Variants in DSCAM observed in about 807,000 individuals in gnomAD.
The protein encoded by DSCAM is DS cell adhesion molecule.
In DSCAM, 47 loss-of-function variants were observed where a neutral mutation model predicts 217.7. The observed-to-expected ratio is 0.22, with a 90% CI of 0.17 to 0.28. The LOEUF (loss-of-function observed/expected upper bound fraction) is 0.28. DSCAM is among the 10% of genes least tolerant of loss of function. The probability of loss-of-function intolerance (pLI) is 1.00; values close to 1 mark genes in which losing one functional copy is unlikely to be tolerated. For synonymous variants in DSCAM, 1,056 were observed against 1,015.3 expected (o/e 1.04, Z -0.76); for missense variants, 2,080 against 2,618.3 (o/e 0.79, Z 4.49).
chr21:40,665,894 G>A (rs1010795636), intron 3 of DSCAM, among the ~76,000 whole-genome samples: 4 of 152,192 alleles, frequency 2.6e-5, no homozygotes, highest in South Asian at 2.1e-4. Flanking sequence ...GGTTAGGCAC[G>A]CTGCCATAGC....
At chr21:40,414,418 A>G (rs1335848899) in intron 3 of DSCAM, among the ~76,000 whole-genome samples, 1 of 152,216 alleles carries the variant, frequency 6.6e-6, no homozygotes, top group Non-Finnish European at 1.5e-5. Flanking sequence ...GTAAAGTAAA[A>G]CCACAATGAG....
chr21:40,814,854 C>A (rs544897276), intron 1 of DSCAM, among the ~76,000 whole-genome samples: 52 of 152,016 alleles, frequency 3.4e-4, no homozygotes, highest in African/African-American at 1.2e-3. Flanking sequence ...GATTACCTCA[C>A]GGTAAAGGAA....
At chr21:40,420,461 A>G (rs2837620) in intron 3 of DSCAM, among the ~76,000 whole-genome samples, 101,680 of 151,920 alleles carry the variant, frequency 0.67, 34,123 homozygotes, top group Middle Eastern at 0.76. Context: ...ATCCTGAGGA[A>G]AACTGAGGGA....
At chr21:40,039,613 A>G (rs1282841771) in intron 32 of DSCAM, among the ~76,000 whole-genome samples, 1 of 152,202 alleles carries the variant, frequency 6.6e-6, no homozygotes, top group Non-Finnish European at 1.5e-5. Flanking sequence ...TGAGTATTCA[A>G]TACTATTAAT....
chr21:40,184,505 C>A (rs528426557), intron 14 of DSCAM, among the ~76,000 whole-genome samples: 2 of 152,234 alleles, frequency 1.3e-5, no homozygotes, highest in African/African-American at 4.8e-5. Context: ...ATCTTAGCCA[C>A]ACCACTGGCC....
At chr21:40,461,190 A>G (rs1205649154) in intron 3 of DSCAM, among the ~76,000 whole-genome samples, 1 of 152,230 alleles carries the variant, frequency 6.6e-6, no homozygotes, top group Non-Finnish European at 1.5e-5. Flanking sequence ...CAAATAAATT[A>G]TATATTTGCA....
chr21:40,535,926 T>A (rs1009932097), intron 3 of DSCAM, among the ~76,000 whole-genome samples: 1 of 152,200 alleles, frequency 6.6e-6, no homozygotes, highest in Non-Finnish European at 1.5e-5. Context: ...AAAAAACACC[T>A]ACTTGGTTGA....
At position 40,215,420 on chromosome 21, in the gene DSCAM, T is replaced by TA. The variant is rs200624266; in HGVS notation, c.2357-26183dup. Among the ~76,000 whole-genome samples, 785 of 144,562 alleles carry TA rather than the reference T, an allele frequency of 5.4e-3. 8 individuals are homozygous for TA. The highest frequency in any genetic ancestry group is 8.4e-3 in the Non-Finnish European group (552 of 65,652). 94.8% of individuals were successfully genotyped at this position (144,562 alleles called of 152,430 possible). On this transcript the variant is annotated intron_variant, in intron 11 of 32. Transcript: ENST00000400454. Reference sequence around the variant, plus strand: ...AAAAATCATAAAAGCAAGACTCAACTAAAAAAAAACAAAAAGAAAAAATTG... The same window carrying TA: ...AAAAATCATAAAAGCAAGACTCAACTAAAAAAAAAACAAAAAGAAAAAATTG...
chr21:40,518,567 TATATACATAC>T (rs986078853), intron 3 of DSCAM, among the ~76,000 whole-genome samples: 1 of 85,378 alleles, frequency 1.2e-5, no homozygotes, highest in African/African-American at 5.8e-5. Flanking sequence ...CACACACACA[TATATACATAC>T]ACACACATAT....
chr21:40,641,846 G>A (rs936925542), intron 3 of DSCAM, among the ~76,000 whole-genome samples: 4 of 151,968 alleles, frequency 2.6e-5, no homozygotes, highest in African/African-American at 9.7e-5. Flanking sequence ...TCAGGAGTTC[G>A]AGACCACCCT....
chr21:40,516,031 TCCAGTGGTAGCGTCTAATGATAAG>T (rs1413603352), intron 3 of DSCAM, among the ~76,000 whole-genome samples: 2 of 152,086 alleles, frequency 1.3e-5, no homozygotes, highest in East Asian at 3.9e-4. Flanking sequence ...GATTTTAACA[TCCAGTGGTAGCGTCTAATGATAAG>T]GTAGTTCACA....
At chr21:40,131,456 C>T (rs763174744) in intron 19 of DSCAM, among the ~76,000 whole-genome samples, 14 of 152,272 alleles carry the variant, frequency 9.2e-5, no homozygotes, top group Middle Eastern at 3.4e-3. Flanking sequence ...GACAGAGTCT[C>T]GATCCGTCAC....
intron 3 of DSCAM, among the ~76,000 whole-genome samples, chr21:40,434,785 CA>C (rs1206259409): frequency 6.6e-6 from 1 of 151,922 alleles, no homozygotes; most frequent in East Asian, 1.9e-4. Flanking sequence ...ACATGTGTCA[CA>C]AAAAAACACC....
At chr21:40,600,429 G>A (rs549502085) in intron 3 of DSCAM, among the ~76,000 whole-genome samples, 18 of 152,204 alleles carry the variant, frequency 1.2e-4, no homozygotes, top group Admixed American at 2.6e-4. Context: ...TCTCATTCAC[G>A]AGGGCAGAGA....
intron 19 of DSCAM, among the ~76,000 whole-genome samples, chr21:40,126,574 CAAG>C (rs760300965): frequency 1.3e-5 from 2 of 152,308 alleles, no homozygotes; most frequent in East Asian, 3.9e-4. Context: ...CCCAAAACTT[CAAG>C]AAGTGATCCT....
At chr21:40,768,569 C>G (rs898574779) in intron 1 of DSCAM, among the ~76,000 whole-genome samples, 1 of 152,144 alleles carries the variant, frequency 6.6e-6, no homozygotes, top group Non-Finnish European at 1.5e-5. Context: ...GTATAATGAA[C>G]GAAGCCAGCT....
rs143175353 is a variant in DSCAM at position 40,236,704 on chromosome 21, T to C, written c.2356+39393A>G. 3.9e-3 allele frequency among the ~76,000 whole-genome samples: 597 copies of C among 152,164 alleles called. 5 individuals are homozygous for C. Among genetic ancestry groups the C allele is most frequent in the African/African-American group, 0.011 (468 of 41,500 alleles). On this transcript the variant is annotated intron_variant, in intron 11 of 32. Coordinates refer to ENST00000400454, the MANE Select transcript of DSCAM (RefSeq NM_001389.5). ...GAGGTTAATAATAGTACTGAAATCA[T>C]TGTGGAGGAATAATTATTAAATGAG...
At chr21:40,545,390 C>A (rs2076573861) in intron 3 of DSCAM, among the ~76,000 whole-genome samples, 1 of 152,202 alleles carries the variant, frequency 6.6e-6, no homozygotes, top group Admixed American at 6.5e-5. Flanking sequence ...ACAACCTCCA[C>A]TGGGGATAGG....
At chr21:40,629,730 A>G (rs1228521427) in intron 3 of DSCAM, 2 of 152,174 alleles carry the variant, frequency 1.3e-5, no homozygotes, top group African/African-American at 4.8e-5. Context: ...ACCACAACAT[A>G]GCCTATTCTG....
Sources: gnomAD v4.1 joint callset for allele counts (sites outside exome capture counted in the v4.1 genomes callset) on GRCh38, gnomAD v4.1.1 for gene constraint, MANE v1.5 for transcripts, NCBI Gene and HGNC (gene_info 2026-07-23, HGNC 2026-07-21) for gene names.